CHAF1B: variants seen among roughly 807,000 people sequenced by gnomAD.
CHAF1B encodes CAF-1 subunit B.
In CHAF1B, 10 loss-of-function variants were observed where a neutral mutation model predicts 60.7. The ratio of observed to expected loss-of-function variants is 0.16; its 90% CI spans 0.10 to 0.28. CHAF1B has a LOEUF of 0.28. CHAF1B is among the 10% of genes least tolerant of loss of function. The pLI is 1.00. For missense variants in CHAF1B, 558 were observed against 708.4 expected (o/e 0.79, Z 2.41); for synonymous variants, 261 against 266.1 (o/e 0.98, Z 0.19).
chr21:36,393,209 C>CGGGAGA (rs898830673), intron 4 of CHAF1B, among the ~76,000 whole-genome samples: 6 of 151,734 alleles, frequency 4.0e-5, no homozygotes, highest in African/African-American at 1.2e-4. Context: ...GTGGAGAGAG[C>CGGGAGA]GGGAGAGGGA....
At chr21:36,413,412 A>G (rs756554412) in intron 12 of CHAF1B, 97 bp downstream of exon 12, 32 of 1,165,410 alleles carry the variant, frequency 2.7e-5, no homozygotes, top group Non-Finnish European at 3.4e-5. Context: ...CAGGCGGTGA[A>G]TGCTTCATGC....
chr21:36,395,631 G>A (rs2086131858), intron 5 of CHAF1B, among the ~76,000 whole-genome samples: 2 of 152,206 alleles, frequency 1.3e-5, no homozygotes, highest in African/African-American at 2.4e-5. Flanking sequence ...TAGTTGATGG[G>A]GTAGGTGGGA....
chr21:36,403,414 A>G (rs937583314), intron 8 of CHAF1B, among the ~76,000 whole-genome samples: 16 of 145,102 alleles, frequency 1.1e-4, no homozygotes, highest in African/African-American at 4.1e-4. Flanking sequence ...CCGAGATCAC[A>G]CCACTGTACT....
intron 11 of CHAF1B, among the ~76,000 whole-genome samples, chr21:36,412,510 C>T (rs890887572): frequency 3.9e-5 from 6 of 152,148 alleles, no homozygotes; most frequent in Non-Finnish European, 7.3e-5. Context: ...CAGGCGCCCA[C>T]CACCATGGCT....
rs186158313 is a variant in CHAF1B at position 36,402,157 on chromosome 21, G to A, written c.664-601G>A. On this transcript the variant is annotated intron_variant, in intron 7 of 13. Coordinates refer to ENST00000314103, the MANE Select transcript of CHAF1B (RefSeq NM_005441.3). ...AATCCACTATTTTCTTTTTTTAAAG[G>A]GTGCATTTGTTAATAGCTGGATGTG... is the stretch of plus-strand genomic sequence containing the variant. Among the ~76,000 whole-genome samples the A allele has an allele frequency of 1.2e-4, 18 of 151,942 alleles. No individual in the cohort carries two copies. The East Asian group carries it at 3.5e-3, about 29-fold the overall frequency.
intron 3 of CHAF1B, among the ~76,000 whole-genome samples, chr21:36,390,500 T>TA (rs2086077899): frequency 6.6e-6 from 1 of 152,154 alleles, no homozygotes; most frequent in Non-Finnish European, 1.5e-5. Flanking sequence ...TTATTGGACT[T>TA]AGACAATGGG....
intron 12 of CHAF1B, among the ~76,000 whole-genome samples, chr21:36,414,046 C>T (rs1460301482): frequency 2.0e-5 from 3 of 152,178 alleles, no homozygotes; most frequent in African/African-American, 7.2e-5. Flanking sequence ...TTCTTCCCTG[C>T]TTACATCAGT....
At chr21:36,410,746 C>T (rs916315475) in intron 10 of CHAF1B, among the ~76,000 whole-genome samples, 7 of 150,822 alleles carry the variant, frequency 4.6e-5, no homozygotes, top group African/African-American at 9.8e-5. Context: ...TTGCAGCCTT[C>T]GTCTCCCAGG....
At chr21:36,409,612 C>A (rs1284221926) in intron 10 of CHAF1B, 147 bp downstream of exon 10, 18 of 428,418 alleles carry the variant, frequency 4.2e-5, no homozygotes, top group Non-Finnish European at 7.1e-5. Context: ...TTTATTTTTA[C>A]ATTTAAATCT....
intron 8 of CHAF1B, among the ~76,000 whole-genome samples, chr21:36,406,154 GA>G (rs923957074): frequency 1.3e-5 from 2 of 152,038 alleles, no homozygotes; most frequent in Non-Finnish European, 2.9e-5. Flanking sequence ...TGTTCCAGTG[GA>G]AAAAAATCTA....
intron 7 of CHAF1B, among the ~76,000 whole-genome samples, chr21:36,402,459 A>T (rs77117619): frequency 0.02 from 2,994 of 152,342 alleles, 54 homozygotes; most frequent in Admixed American, 0.043. Flanking sequence ...GTTTTTAAAA[A>T]TAATTTTAGA....
intron 4 of CHAF1B, among the ~76,000 whole-genome samples, chr21:36,392,513 C>T (rs555294026): frequency 1.6e-3 from 198 of 123,338 alleles, no homozygotes; most frequent in African/African-American, 5.1e-3. Flanking sequence ...GGCAGAGGCG[C>T]CCCCCACCTC....
chr21:36,388,309 G>A (rs1182889355), intron 3 of CHAF1B, among the ~76,000 whole-genome samples: 2 of 152,126 alleles, frequency 1.3e-5, no homozygotes, highest in Non-Finnish European at 2.9e-5. Flanking sequence ...AGACGAGATG[G>A]AAAGGCACTT....
chr21:36,394,487 G>C, intron 4 of CHAF1B, 60 bp from the exon 5 acceptor site: 1 of 1,207,430 alleles, frequency 8.3e-7, no homozygotes, highest in Non-Finnish European at 1.2e-6. Flanking sequence ...TGGGATTACA[G>C]GGGTAAGCTG....
intron 12 of CHAF1B, among the ~76,000 whole-genome samples, chr21:36,413,909 T>C (rs1366506712): frequency 1.3e-5 from 2 of 152,208 alleles, no homozygotes; most frequent in Non-Finnish European, 2.9e-5. Context: ...TATGCTGTTC[T>C]GCCCAGGATG....
chr21:36,400,489 A>G (rs891486505), intron 7 of CHAF1B, among the ~76,000 whole-genome samples: 10 of 152,194 alleles, frequency 6.6e-5, no homozygotes, highest in Non-Finnish European at 4.4e-5. Flanking sequence ...ATAAATAAAT[A>G]AAAATAAAAT....
intron 10 of CHAF1B, among the ~76,000 whole-genome samples, chr21:36,409,940 A>G (rs978879115): frequency 2.1e-5 from 3 of 142,610 alleles, no homozygotes; most frequent in Admixed American, 7.1e-5. Context: ...TTGTTTGTCT[A>G]TGTCTCTCAT....
At chr21:36,389,765 G>A (rs1321424727) in intron 3 of CHAF1B, among the ~76,000 whole-genome samples, 6 of 99,702 alleles carry the variant, frequency 6.0e-5, no homozygotes, top group Non-Finnish European at 8.0e-5. Context: ...AGGGATGTGT[G>A]TGTGTGTGTG....
At chr21:36,392,710 C>T (rs1260218913) in intron 4 of CHAF1B, among the ~76,000 whole-genome samples, 3 of 148,674 alleles carry the variant, frequency 2.0e-5, no homozygotes, top group African/African-American at 7.5e-5. Context: ...CGGGCAGAGA[C>T]GCTCCTCACC....
Sources: gnomAD v4.1 joint callset for allele counts (sites outside exome capture counted in the v4.1 genomes callset) on GRCh38, gnomAD v4.1.1 for gene constraint, MANE v1.5 for transcripts, NCBI Gene and HGNC (gene_info 2026-07-23, HGNC 2026-07-21) for gene names.